The following NELL1 variants were observed in gnomAD, a reference collection of about 807,000 sequenced individuals.
The protein encoded by NELL1 is protein kinase C-binding protein NELL1.
A neutral mutation model predicts 107.4 loss-of-function variants in NELL1; 76 were observed. The ratio of observed to expected loss-of-function variants is 0.71; its 90% CI spans 0.59 to 0.86. The LOEUF is 0.86. Among genes scored for constraint, NELL1 ranks in the 40% least tolerant of loss-of-function variants. The probability of loss-of-function intolerance (pLI) is 0.00; values close to 1 mark genes in which losing one functional copy is unlikely to be tolerated. For synonymous variants in NELL1, 353 were observed against 341.2 expected, an observed-to-expected ratio of 1.03 and a Z score of -0.38; for missense variants, 1,024 against 1,005.5, an observed-to-expected ratio of 1.02 and a Z score of -0.25.
At chr11:20,760,263 A>G (rs1856390300) in intron 2 of NELL1, among the ~76,000 whole-genome samples, 1 of 152,206 alleles carries the variant, frequency 6.6e-6, no homozygotes, top group Admixed American at 6.5e-5. Context: ...TCAGTGAAAG[A>G]TTTCAGCTGG....
At position 21,435,382 on chromosome 11, in the gene NELL1, TTTTG is replaced by T. The variant is rs748902327; in HGVS notation, c.1645+64450_1645+64453del. Among the ~76,000 whole-genome samples, 18 of 150,210 alleles carry T rather than the reference TTTTG, an allele frequency of 1.2e-4. 1 individual carries two copies. Among genetic ancestry groups the T allele is most frequent in the Admixed American group, 1.3e-4 (2 of 15,096 alleles). On this transcript the variant is annotated intron_variant, in intron 15 of 19. Transcript: ENST00000357134. ...TCCTTCAGTAGCACTTTGTTGAGTT[TTTTG>T]TTTGTTTGTTTGTTTTTTACCATGA...
chr11:21,183,129 G>C (rs184953808), intron 13 of NELL1, among the ~76,000 whole-genome samples: 1 of 151,992 alleles, frequency 6.6e-6, no homozygotes, highest in Admixed American at 6.5e-5. Context: ...AAATAGAAAA[G>C]TATGTTCAAG....
chr11:21,300,049 T>C (rs1468316768), intron 14 of NELL1, among the ~76,000 whole-genome samples: 2 of 151,860 alleles, frequency 1.3e-5, no homozygotes, highest in East Asian at 3.9e-4. Context: ...AAATAATGAA[T>C]ATTATTTCAA....
At chr11:21,164,961 T>G (rs1192059515) in intron 13 of NELL1, among the ~76,000 whole-genome samples, 1 of 152,238 alleles carries the variant, frequency 6.6e-6, no homozygotes, top group African/African-American at 2.4e-5. Flanking sequence ...ACTTTCTCAC[T>G]GACATTCCTT....
At chr11:20,720,368 C>T (rs1282838609) in intron 2 of NELL1, among the ~76,000 whole-genome samples, 3 of 151,940 alleles carry the variant, frequency 2.0e-5, no homozygotes, top group Admixed American at 6.6e-5. Context: ...CCACCATACA[C>T]GTTTAATTTT....
chr11:20,937,568 G>A (rs775754485), intron 9 of NELL1, among the ~76,000 whole-genome samples: 12 of 152,174 alleles, frequency 7.9e-5, no homozygotes, highest in Non-Finnish European at 1.6e-4. Flanking sequence ...TGTATATCCT[G>A]GCTGTAAAGG....
rs140165141 is a variant in NELL1, at chr11:21,211,413, G to A, written c.1427-17919G>A. 5.6e-3 allele frequency among the ~76,000 whole-genome samples: 850 copies of A among 152,252 alleles called. 24 individuals carry two copies. The highest frequency in any genetic ancestry group is 1.6e-3 in the African/African-American group (65 of 41,556). On this transcript the variant is annotated intron_variant, in intron 13 of 19. Coordinates refer to ENST00000357134, the MANE Select transcript of NELL1 (RefSeq NM_006157.5). ...AATGGAGCAAAATCATGCTGGGCAC[G>A]TAGGTAAAGGCAAGAGCATACTGGG...
chr11:21,297,425 G>A (rs1302219824), intron 14 of NELL1, among the ~76,000 whole-genome samples: 2 of 152,036 alleles, frequency 1.3e-5, no homozygotes, highest in South Asian at 2.1e-4. Context: ...AGAAAAAGAT[G>A]TTGAAAAACC....
chr11:21,518,053 C>T (rs2133952162), intron 15 of NELL1, among the ~76,000 whole-genome samples: 1 of 151,332 alleles, frequency 6.6e-6, no homozygotes, highest in East Asian at 2.0e-4. Context: ...GGCATAAATG[C>T]TCTTTGGGAA....
chr11:21,029,987 A>G (rs749549305), intron 12 of NELL1, among the ~76,000 whole-genome samples: 48 of 152,202 alleles, frequency 3.2e-4, no homozygotes, highest in African/African-American at 1.1e-3. Context: ...GACCTGCTGA[A>G]TGGGTACTTG....
chr11:20,928,028 C>T (rs900184319), intron 8 of NELL1, among the ~76,000 whole-genome samples: 1 of 152,112 alleles, frequency 6.6e-6, no homozygotes, highest in African/African-American at 2.4e-5. Context: ...CATTGTTTGT[C>T]TAGGAAAATA....
chr11:20,909,997 C>T (rs948516033), intron 5 of NELL1, among the ~76,000 whole-genome samples: 2 of 152,110 alleles, frequency 1.3e-5, no homozygotes, highest in South Asian at 2.1e-4. Flanking sequence ...AGTAAGCTCA[C>T]AGGTCTGCTC....
chr11:21,401,894 G>T lies in NELL1; in HGVS notation c.1645+30946G>T, dbSNP rs143668643. On this transcript the variant is annotated intron_variant, in intron 15 of 19. Transcript: ENST00000357134. ...ATAACCTCTACTTTACAAAATTGTAGTGAGGAGTAAATGCAACAATGTAGA... is the reference window on the plus strand; with the variant it reads ...ATAACCTCTACTTTACAAAATTGTATTGAGGAGTAAATGCAACAATGTAGA... Among the ~76,000 whole-genome samples, 98 of 151,870 alleles carry T rather than the reference G, an allele frequency of 6.5e-4. 1 individual carries two copies. Among genetic ancestry groups the T allele is most frequent in the African/African-American group, 2.2e-3 (90 of 41,388 alleles).
chr11:21,120,420 A>G (rs1855339599), intron 13 of NELL1, among the ~76,000 whole-genome samples: 1 of 152,162 alleles, frequency 6.6e-6, no homozygotes. Flanking sequence ...GCAGAGCCAC[A>G]TGAAATGGAA....
chr11:21,392,822 T>C (rs1851907657), intron 15 of NELL1, among the ~76,000 whole-genome samples: 1 of 151,132 alleles, frequency 6.6e-6, no homozygotes, highest in Admixed American at 6.6e-5. Flanking sequence ...CAACAGAGAC[T>C]TTCTGCAAAG....
At chr11:21,506,740 T>G (rs1855289391) in intron 15 of NELL1, among the ~76,000 whole-genome samples, 1 of 152,200 alleles carries the variant, frequency 6.6e-6, no homozygotes, top group Admixed American at 6.5e-5. Context: ...CACTCTAATG[T>G]GTCTGAGCAT....
intron 12 of NELL1, among the ~76,000 whole-genome samples, chr11:20,996,696 T>C (rs1367040473): frequency 6.6e-6 from 1 of 152,168 alleles, no homozygotes; most frequent in African/African-American, 2.4e-5. Context: ...ACAACTTTTT[T>C]CTGTGGGCAT....
At chr11:21,223,167 A>G (rs759845150) in intron 13 of NELL1, among the ~76,000 whole-genome samples, 37 of 150,130 alleles carry the variant, frequency 2.5e-4, no homozygotes, top group Non-Finnish European at 4.6e-4. Flanking sequence ...TTGTATTGGA[A>G]TCTCTTCTCT....
chr11:21,073,696 T>A (rs1255834016), intron 12 of NELL1, among the ~76,000 whole-genome samples: 1 of 152,146 alleles, frequency 6.6e-6, no homozygotes, highest in Non-Finnish European at 1.5e-5. Flanking sequence ...CTGGAGGAAG[T>A]AGCATTTGCA....
Sources: gnomAD v4.1 joint callset for allele counts (sites outside exome capture counted in the v4.1 genomes callset) on GRCh38, gnomAD v4.1.1 for gene constraint, MANE v1.5 for transcripts, NCBI Gene and HGNC (gene_info 2026-07-23, HGNC 2026-07-21) for gene names.